The following XIRP2 variants were observed in gnomAD, a reference collection of about 807,000 sequenced individuals.
XIRP2 encodes the protein xin actin-binding repeat-containing protein 2.
Under a neutral mutation model 277.0 loss-of-function variants are expected in XIRP2, and 236 were observed. That is an observed-to-expected ratio of 0.85 (90% CI 0.77 to 0.95). The LOEUF (loss-of-function observed/expected upper bound fraction) is 0.95. XIRP2 is among the 40% of genes least tolerant of loss of function. XIRP2 has a pLI of 0.00. For synonymous variants in XIRP2, 1,490 were observed against 1,416.5 expected (o/e 1.05, Z -1.17); for missense variants, 4,640 against 4,157.5 (o/e 1.12, Z -3.19).
At chr2:167,240,257 C>CA (rs959142414) in intron 6 of XIRP2, among the ~76,000 whole-genome samples, 2 of 151,846 alleles carry the variant, frequency 1.3e-5, no homozygotes, top group Admixed American at 6.6e-5. Context: ...ACTAAAAATA[C>CA]AAAAAAAGTT....
intron 9 of XIRP2, among the ~76,000 whole-genome samples, chr2:167,253,560 T>G (rs959390519): frequency 1.5e-4 from 23 of 151,806 alleles, no homozygotes; most frequent in Non-Finnish European, 4.4e-5. Flanking sequence ...GAAAGATCTA[T>G]CTAAAATGCT....
chr2:167,127,603 C>A (rs1691245354), intron 2 of XIRP2, among the ~76,000 whole-genome samples: 1 of 152,106 alleles, frequency 6.6e-6, no homozygotes, highest in African/African-American at 2.4e-5. Context: ...TTGAGACTAC[C>A]ACCTTATTGC....
chr2:167,140,314 C>T (rs73015964), intron 3 of XIRP2, among the ~76,000 whole-genome samples: 1,870 of 152,252 alleles, frequency 0.012, 47 homozygotes, highest in African/African-American at 0.043. Context: ...TGAATCCCCT[C>T]AGGTCAGAAG....
chr2:166,973,548 TCTGA>T (rs1248992992), intron 2 of XIRP2, among the ~76,000 whole-genome samples: 1 of 152,254 alleles, frequency 6.6e-6, no homozygotes, highest in East Asian at 1.9e-4. Flanking sequence ...CTCAGGTCAA[TCTGA>T]CTATCAGATC....
intron 2 of XIRP2, among the ~76,000 whole-genome samples, chr2:166,982,366 T>C (rs1686895795): frequency 6.6e-6 from 1 of 151,698 alleles, no homozygotes; most frequent in Non-Finnish European, 1.5e-5. Context: ...ACTGAACTTC[T>C]TGATTCTGTA....
chr2:166,942,618 C>T (rs1274616215), intron 2 of XIRP2, among the ~76,000 whole-genome samples: 1 of 152,160 alleles, frequency 6.6e-6, no homozygotes, highest in Non-Finnish European at 1.5e-5. Flanking sequence ...CATTTAAAGA[C>T]CATTGTTATT....
chr2:167,215,009 G>A (rs185769198), intron 4 of XIRP2, among the ~76,000 whole-genome samples: 1 of 152,344 alleles, frequency 6.6e-6, no homozygotes. Flanking sequence ...ATTTGCACAT[G>A]ATTGGGACAT....
chr2:166,924,276 G>A (rs1306706195), intron 2 of XIRP2, among the ~76,000 whole-genome samples: 1 of 152,000 alleles, frequency 6.6e-6, no homozygotes, highest in Non-Finnish European at 1.5e-5. Flanking sequence ...GATTTAACAA[G>A]TGTGGGTTCC....
Position 167,251,379 on chromosome 2 carries a change from T to C in XIRP2, c.9987T>C (p.Pro3329=). The change falls in exon 9 of 11, where the codon CCT becomes CCC. Residue 3329 remains proline (P), a synonymous_variant. Coordinates refer to ENST00000409195, the MANE Select transcript of XIRP2 (RefSeq NM_152381.6). ...VQMAENFVND[P]ENEINRWFRE... The stretch of plus-strand genomic sequence containing the variant: ...TGGCTGAAAATTTCGTGAATGACCC[T>C]GAAAATGAAATAAACAGATGGTTCA... 6.2e-7 allele frequency: 1 copy of C among 1,613,546 alleles called. No homozygotes were observed. Among genetic ancestry groups the C allele is most frequent in the Non-Finnish European group, 8.5e-7 (1 of 1,179,648 alleles).
At chr2:167,132,046 G>A (rs1007925621) in intron 2 of XIRP2, among the ~76,000 whole-genome samples, 14 of 151,328 alleles carry the variant, frequency 9.3e-5, no homozygotes, top group Non-Finnish European at 7.4e-5. Context: ...TCAAACTTCC[G>A]ATTCAATCCA....
rs1695518443 is a variant in XIRP2 at position 167,251,859 on chromosome 2, A to G, written c.10467A>G (p.Arg3489=). 7.4e-6 allele frequency: 12 copies of G among 1,612,262 alleles called. No homozygotes were observed. The highest frequency in any genetic ancestry group is 1.0e-5 in the Non-Finnish European group (12 of 1,179,192). ...NFQKTWQESG[R]VFKGLGYATA... ...AAAAGACGTGGCAAGAGAGTGGAAG[A>G]GTTTTTAAAGGCCTGGGATATGCAA... The change falls in exon 9 of 11, where the codon AGA becomes AGG. Residue 3489 remains arginine (R), a synonymous_variant. Transcript: ENST00000409195.
At chr2:167,113,602 C>T (rs1340927815) in intron 2 of XIRP2, among the ~76,000 whole-genome samples, 1 of 152,062 alleles carries the variant, frequency 6.6e-6, no homozygotes, top group African/African-American at 2.4e-5. Flanking sequence ...TCCATCTTTC[C>T]ACTCTGTGCT....
At chr2:166,908,520 T>G (rs1684595955) in intron 2 of XIRP2, among the ~76,000 whole-genome samples, 1 of 152,212 alleles carries the variant, frequency 6.6e-6, no homozygotes, top group South Asian at 2.1e-4. Flanking sequence ...TATTAGCCCT[T>G]TGTCAGATGA....
rs1262501033 is a variant in XIRP2 at position 166,956,702 on chromosome 2, T to G, written c.408+52812T>G. ...GATTCTCATACATCCTCTCATGGTT[T>G]CAAGATGGCTGGTCCTTGAGAGACT... is the stretch of plus-strand genomic sequence containing the variant. On this transcript the variant is annotated intron_variant, in intron 2 of 10. Coordinates refer to ENST00000409195, the MANE Select transcript of XIRP2 (RefSeq NM_152381.6). Among the ~76,000 whole-genome samples, 3 of 151,840 alleles carry G rather than the reference T, an allele frequency of 2.0e-5. No homozygotes were observed. The East Asian group carries it at 5.8e-4, about 30-fold the overall frequency.
intron 7 of XIRP2, among the ~76,000 whole-genome samples, chr2:167,241,079 A>G (rs1434772953): frequency 6.6e-6 from 1 of 152,172 alleles, no homozygotes; most frequent in African/African-American, 2.4e-5. Context: ...TCTAGACTGA[A>G]TTAATTTTAA....
chr2:167,036,108 T>C (rs1385539734), intron 2 of XIRP2, among the ~76,000 whole-genome samples: 1 of 152,204 alleles, frequency 6.6e-6, no homozygotes, highest in Non-Finnish European at 1.5e-5. Flanking sequence ...GGCAGCGCCC[T>C]CATGGAGAAC....
At chr2:166,937,235 A>G (rs914682372) in intron 2 of XIRP2, among the ~76,000 whole-genome samples, 4 of 152,166 alleles carry the variant, frequency 2.6e-5, no homozygotes, top group Admixed American at 6.5e-5. Flanking sequence ...TTTGTCATAC[A>G]TAGCTCTTAT....
intron 3 of XIRP2, among the ~76,000 whole-genome samples, chr2:167,170,148 A>G (rs1271399707): frequency 1.3e-5 from 2 of 152,182 alleles, no homozygotes; most frequent in African/African-American, 2.4e-5. Context: ...TTGCAATGAT[A>G]AAGAACTTTT....
Position 167,248,326 on chromosome 2 carries a change from C to A in XIRP2, c.6934C>A (p.Pro2312Thr). The A allele has an allele frequency of 3.1e-6, 5 of 1,613,788 alleles. No homozygotes were observed. The highest frequency in any genetic ancestry group is 4.2e-6 in the Non-Finnish European group (5 of 1,179,832). ...ASSEIEFPLP[P>T]PPPLMMFPEK... ...ATCTGAAATTGAATTTCCTCTTCCT[C>A]CTCCACCTCCTTTGATGATGTTTCC... The change falls in exon 9 of 11, where the codon CCT (proline) becomes ACT (threonine). Residue 2312 changes from proline (P) to threonine (T), a missense_variant. Transcript: ENST00000409195.
Sources: allele counts gnomAD v4.1 joint callset (sites outside exome capture counted in the v4.1 genomes callset), GRCh38; gene constraint gnomAD v4.1.1; transcripts MANE v1.5; gene names NCBI Gene and HGNC (gene_info 2026-07-23, HGNC 2026-07-21).